Variants in ATP10A observed in about 807,000 individuals in gnomAD.
The protein encoded by ATP10A is ATPase phospholipid transporting 10A (putative).
A neutral mutation model predicts 147.8 loss-of-function variants in ATP10A; 111 were observed. The ratio of observed to expected loss-of-function variants is 0.75; its 90% confidence interval spans 0.64 to 0.88. The LOEUF (loss-of-function observed/expected upper bound fraction) is 0.88, where lower values mean the gene tolerates loss of function less well. Ranked by LOEUF, ATP10A falls within the 40% of genes least tolerant of loss-of-function variation. The pLI is 0.00. For synonymous variants in ATP10A, 875 were observed against 841.6 expected, an observed-to-expected ratio of 1.04 and a Z score of -0.69; for missense variants, 1,927 against 1,959.0, an observed-to-expected ratio of 0.98 and a Z score of 0.31.
At chr15:25,794,598 G>A (rs1254791068) in intron 1 of ATP10A, among the ~76,000 whole-genome samples, 4 of 152,336 alleles carry the variant, frequency 2.6e-5, no homozygotes, top group East Asian at 3.9e-4. Context: ...ACAGTGTGCA[G>A]TGACCTAAGA....
At chr15:25,855,079 A>G (rs2140916785) in intron 1 of ATP10A, among the ~76,000 whole-genome samples, 1 of 149,986 alleles carries the variant, frequency 6.7e-6, no homozygotes, top group African/African-American at 2.5e-5. Context: ...AAAAAAAAAC[A>G]GAAAAAAAGA....
At chr15:25,722,692 A>C (rs1902317592) in intron 6 of ATP10A, among the ~76,000 whole-genome samples, 1 of 152,220 alleles carries the variant, frequency 6.6e-6, no homozygotes, top group Non-Finnish European at 1.5e-5. Flanking sequence ...TAATTTAGAC[A>C]GTTAAATAAG....
In ATP10A at chr15:25,679,389, C is replaced by G; in HGVS notation, c.4452G>C (p.Gly1484=). 1 of 1,608,434 alleles carries G rather than the reference C, an allele frequency of 6.2e-7. No homozygotes were observed. The highest frequency in any genetic ancestry group is 8.5e-7 in the Non-Finnish European group (1 of 1,175,352). Residue 1484 remains glycine, a synonymous_variant, in exon 21 of 21, where the codon GGG becomes GGC. Transcript: ENST00000555815. ...QPHSGRSGLQ[G]PDHRLLIGAS... ...CTCCTATAAGTAGTCTGTGGTCTGG[C>G]CCTTGAAGTCCTGATCGGCCTGAGT...
chr15:25,804,201 T>C (rs566532718), intron 1 of ATP10A, among the ~76,000 whole-genome samples: 2 of 151,584 alleles, frequency 1.3e-5, no homozygotes, highest in South Asian at 4.2e-4. Context: ...TGTAGCTTGG[T>C]ATGTGTGTGC....
Position 25,726,088 on chromosome 15 carries a change from G to C in ATP10A, c.848-6C>G. On this transcript the variant is annotated splice_region_variant and splice_polypyrimidine_tract_variant and intron_variant, in intron 4 of 20. Coordinates refer to ENST00000555815, the MANE Select transcript of ATP10A (RefSeq NM_024490.4). The stretch of plus-strand genomic sequence containing the variant: ...CAGAGCCTTGGTTTCATGTCCTGTC[G>C]GGGAGGACAAAGAGACATGGCAAGT... 6.2e-7 allele frequency: 1 copy of C among 1,612,850 alleles called. No individual in the cohort carries two copies. Among genetic ancestry groups the C allele is most frequent in the Admixed American group, 1.7e-5 (1 of 60,002 alleles).
intron 2 of ATP10A, among the ~76,000 whole-genome samples, chr15:25,777,127 C>T (rs751885067): frequency 8.9e-6 from 1 of 112,352 alleles, no homozygotes; most frequent in South Asian, 2.6e-4. Context: ...GTACCCGTTC[C>T]GCACTGCCCA....
At chr15:25,715,900 C>CTT (rs1901768149) in intron 9 of ATP10A, among the ~76,000 whole-genome samples, 2 of 152,274 alleles carry the variant, frequency 1.3e-5, no homozygotes, top group East Asian at 3.9e-4. Flanking sequence ...TTCAAAACTG[C>CTT]CTGGTTCCAT....
At chr15:25,723,774 A>T in intron 6 of ATP10A, 117 bp downstream of exon 6, 1 of 869,096 alleles carries the variant, frequency 1.2e-6, no homozygotes, top group Admixed American at 3.7e-5. Flanking sequence ...CTCCAGGTAG[A>T]TATATTTGCC....
intron 17 of ATP10A, among the ~76,000 whole-genome samples, chr15:25,682,911 C>A (rs1169603421): frequency 6.6e-6 from 1 of 152,182 alleles, no homozygotes; most frequent in Admixed American, 6.5e-5. Context: ...TCTATTTGCT[C>A]TTTCAGTGGC....
intron 6 of ATP10A, among the ~76,000 whole-genome samples, chr15:25,722,857 C>T (rs1296100137): frequency 2.0e-5 from 3 of 152,234 alleles, no homozygotes; most frequent in Admixed American, 1.3e-4. Flanking sequence ...CCTCCCCACT[C>T]TTTCACAGAC....
At chr15:25,689,952 T>A (rs1052432103) in intron 15 of ATP10A, among the ~76,000 whole-genome samples, 2 of 152,178 alleles carry the variant, frequency 1.3e-5, no homozygotes, top group African/African-American at 4.8e-5. Flanking sequence ...ACTGCCCCCA[T>A]CAGATTTTCA....
At chr15:25,820,464 C>G (rs1247192536) in intron 1 of ATP10A, among the ~76,000 whole-genome samples, 1 of 152,128 alleles carries the variant, frequency 6.6e-6, no homozygotes, top group Admixed American at 6.5e-5. Flanking sequence ...GACAGAAGAG[C>G]AATCCCAACT....
At chr15:25,821,172 C>T (rs1188713460) in intron 1 of ATP10A, among the ~76,000 whole-genome samples, 1 of 152,158 alleles carries the variant, frequency 6.6e-6, no homozygotes, top group Non-Finnish European at 1.5e-5. Context: ...AGCTAAGACA[C>T]GTGGATCCTT....
At chr15:25,790,607 C>A (rs1385393108) in intron 1 of ATP10A, among the ~76,000 whole-genome samples, 4 of 152,242 alleles carry the variant, frequency 2.6e-5, no homozygotes, top group Non-Finnish European at 5.9e-5. Flanking sequence ...CAATGCAACA[C>A]TGAACACCCA....
Position 25,721,943 on chromosome 15 carries a change from G to A in ATP10A, c.1111-34C>T, listed in dbSNP as rs527688796. 5.0e-5 allele frequency: 80 copies of A among 1,592,742 alleles called. 2 individuals are homozygous for A. In the South Asian group the frequency reaches 6.6e-4, roughly 13 times the overall value. On this transcript the variant is annotated intron_variant, in intron 6 of 20. Coordinates refer to ENST00000555815, the MANE Select transcript of ATP10A (RefSeq NM_024490.4). Reference sequence around the variant, plus strand: ...GACAAGGCACACAGGATGAATGACCGTGAGGACCAGGGAGCTGGGGAATTA... The same window carrying A: ...GACAAGGCACACAGGATGAATGACCATGAGGACCAGGGAGCTGGGGAATTA...
chr15:25,829,414 T>C (rs1892258273), intron 1 of ATP10A, among the ~76,000 whole-genome samples: 1 of 152,184 alleles, frequency 6.6e-6, no homozygotes, highest in Non-Finnish European at 1.5e-5. Context: ...GTCTTAAATA[T>C]GTGAATAAAT....
At chr15:25,804,416 C>T (rs1230508598) in intron 1 of ATP10A, among the ~76,000 whole-genome samples, 2 of 134,668 alleles carry the variant, frequency 1.5e-5, no homozygotes, top group Non-Finnish European at 3.2e-5. Flanking sequence ...GGTGTGTGTG[C>T]ATCTGCGTGT....
intron 1 of ATP10A, among the ~76,000 whole-genome samples, chr15:25,855,062 A>ACAC (rs369155788): frequency 8.4e-6 from 1 of 119,676 alleles, no homozygotes; most frequent in Non-Finnish European, 1.6e-5. Context: ...TCCGTCTCAC[A>ACAC]AAAAAAAAAA....
In ATP10A at chr15:25,714,103, A is replaced by C. The variant is rs757214405; in HGVS notation, c.1915T>G (p.Ser639Ala). The change falls in exon 10 of 21, where the codon TCC (serine) becomes GCC (alanine). Residue 639 changes from serine (S) to alanine (A), a missense_variant. Coordinates refer to ENST00000555815, the MANE Select transcript of ATP10A (RefSeq NM_024490.4). ...CTGGACGGGGTGGACGGGAAGCTGG[A>C]GCCCAACTTGTGGCTGGACTTGTTG... ...AANKSSHKLGSSFPSTPSSDG... is the reference protein window; with the variant it reads ...AANKSSHKLGASFPSTPSSDG... 6.2e-7 allele frequency: 1 copy of C among 1,613,270 alleles called. No homozygotes were observed. The highest frequency in any genetic ancestry group is 1.7e-5 in the Admixed American group (1 of 60,006).
Sources: gnomAD v4.1 joint callset for allele counts (sites outside exome capture counted in the v4.1 genomes callset) on GRCh38, gnomAD v4.1.1 for gene constraint, MANE v1.5 for transcripts, NCBI Gene and HGNC (gene_info 2026-07-23, HGNC 2026-07-21) for gene names.